Variants in TULP4 observed in about 807,000 individuals in gnomAD.
The protein encoded by TULP4 is tubby-related protein 4.
In TULP4, 16 loss-of-function variants were observed where a neutral mutation model predicts 129.0. The observed-to-expected ratio is 0.12, with a 90% CI of 0.08 to 0.19. TULP4 has a LOEUF of 0.19. Among genes scored for constraint, TULP4 ranks in the 10% least tolerant of loss-of-function variants. The pLI, the probability that TULP4 is intolerant of heterozygous loss-of-function variation, is 1.00. For synonymous variants in TULP4, 998 were observed against 854.0 expected (o/e 1.17, Z -2.94); for missense variants, 1,842 against 2,059.1 (o/e 0.89, Z 2.04).
At chr6:158,395,993 C>T (rs1278681649) in intron 1 of TULP4, among the ~76,000 whole-genome samples, 1 of 152,154 alleles carries the variant, frequency 6.6e-6, no homozygotes, top group Non-Finnish European at 1.5e-5. Context: ...GGGCCATGAG[C>T]TCTTGACCCA....
intron 1 of TULP4, among the ~76,000 whole-genome samples, chr6:158,373,409 C>T (rs1209113387): frequency 6.6e-6 from 1 of 152,150 alleles, no homozygotes; most frequent in Non-Finnish European, 1.5e-5. Flanking sequence ...CAAGCCACCG[C>T]TTGAAGAAGC....
At chr6:158,300,908 C>T (rs779503257) in intron 1 of TULP4, among the ~76,000 whole-genome samples, 2 of 152,170 alleles carry the variant, frequency 1.3e-5, no homozygotes, top group Non-Finnish European at 2.9e-5. Context: ...TTTAATCCAG[C>T]AGCATTGACA....
intron 1 of TULP4, chr6:158,232,419 T>G (rs1238869409): frequency 7.3e-6 from 1 of 137,728 alleles, no homozygotes; most frequent in African/African-American, 2.7e-5. Context: ...CCCCGGGGTC[T>G]GCGCGGCGGG....
At chr6:158,372,936 T>C (rs1445400791) in intron 1 of TULP4, among the ~76,000 whole-genome samples, 2 of 152,236 alleles carry the variant, frequency 1.3e-5, no homozygotes, top group African/African-American at 2.4e-5. Context: ...CGAGTTGATA[T>C]TTAGCTTGTT....
In TULP4 at chr6:158,255,846, C is replaced by T. The variant is rs538916162; in HGVS notation, n.68+23543C>T. Among the ~76,000 whole-genome samples the T allele has an allele frequency of 2.0e-5, 3 of 152,332 alleles. No individual in the cohort carries two copies. The South Asian group carries it at 6.2e-4, about 32-fold the overall frequency. On this transcript the variant is annotated intron_variant and non_coding_transcript_variant, in intron 1 of 1. Transcript: ENST00000620026. ...ATGCAATAGCTGTCATTCTTTCCCT[C>T]ATTGCATGAAGAAGTACAGGGTATA...
intron 2 of TULP4, among the ~76,000 whole-genome samples, chr6:158,419,656 G>GA (rs1472697287): frequency 1.3e-5 from 2 of 151,746 alleles, no homozygotes; most frequent in African/African-American, 4.8e-5. Flanking sequence ...CAAATACCAA[G>GA]AAAAAAAATA....
At chr6:158,346,892 TCTTTTTTGCCC>T (rs151337909) in intron 1 of TULP4, among the ~76,000 whole-genome samples, 1,961 of 152,330 alleles carry the variant, frequency 0.013, 25 homozygotes, top group Non-Finnish European at 0.02. Context: ...TGTGTGTGCA[TCTTTTTTGCCC>T]CTCAAAATTT....
chr6:158,345,508 C>G (rs1200426427), intron 1 of TULP4, among the ~76,000 whole-genome samples: 1 of 152,196 alleles, frequency 6.6e-6, no homozygotes, highest in African/African-American at 2.4e-5. Context: ...GGCCGCCAGG[C>G]GTGACATCAC....
At chr6:158,491,527 C>A (rs1780210504) in intron 9 of TULP4, among the ~76,000 whole-genome samples, 1 of 149,646 alleles carries the variant, frequency 6.7e-6, no homozygotes, top group Admixed American at 6.7e-5. Context: ...TTGTCTCGCT[C>A]TGTTGCCCAG....
At chr6:158,465,304 G>A (rs940228832) in intron 6 of TULP4, among the ~76,000 whole-genome samples, 1 of 152,124 alleles carries the variant, frequency 6.6e-6, no homozygotes, top group Non-Finnish European at 1.5e-5. Context: ...TGTCCTTAAG[G>A]TTCATCCATG....
chr6:158,241,195 T>G (rs28662117), intron 1 of TULP4, among the ~76,000 whole-genome samples: 1 of 108,710 alleles, frequency 9.2e-6, no homozygotes, highest in Admixed American at 1.0e-4. Context: ...TGATGGCGGC[T>G]GGGAAGAGGC....
At chr6:158,478,865 A>G (rs151128766) in intron 6 of TULP4, among the ~76,000 whole-genome samples, 2 of 152,310 alleles carry the variant, frequency 1.3e-5, no homozygotes, top group East Asian at 3.9e-4. Context: ...ATTCTCAAAG[A>G]TAATGATGGC....
chr6:158,292,357 G>A (rs905979957), intron 1 of TULP4, among the ~76,000 whole-genome samples: 2 of 152,160 alleles, frequency 1.3e-5, no homozygotes, highest in Admixed American at 6.5e-5. Context: ...CCCTAATTCC[G>A]ATTCCAGTGC....
chr6:158,319,286 G>T (rs1779568701), intron 1 of TULP4, among the ~76,000 whole-genome samples: 1 of 152,130 alleles, frequency 6.6e-6, no homozygotes, highest in Non-Finnish European at 1.5e-5. Context: ...CAAAATACTT[G>T]TCTCTAAGGA....
At chr6:158,272,782 C>G (rs964595993) in intron 1 of TULP4, among the ~76,000 whole-genome samples, 7 of 152,294 alleles carry the variant, frequency 4.6e-5, no homozygotes, top group African/African-American at 1.4e-4. Flanking sequence ...GTGTTTCAGT[C>G]AAAAACAAAT....
chr6:158,415,161 C>T (rs1296742674), intron 2 of TULP4, among the ~76,000 whole-genome samples: 1 of 152,150 alleles, frequency 6.6e-6, no homozygotes, highest in African/African-American at 2.4e-5. Flanking sequence ...TTTCTATCAC[C>T]TAGTGACACT....
At chr6:158,335,419 G>A (rs1212942129) in intron 1 of TULP4, among the ~76,000 whole-genome samples, 1 of 149,400 alleles carries the variant, frequency 6.7e-6, no homozygotes, top group Non-Finnish European at 1.5e-5. Context: ...TTTTGTTTCA[G>A]TTTGCTTTTA....
At chr6:158,246,555 G>A (rs1312273679) in intron 1 of TULP4, among the ~76,000 whole-genome samples, 1 of 151,308 alleles carries the variant, frequency 6.6e-6, no homozygotes, top group Non-Finnish European at 1.5e-5. Context: ...TCTATAAAAT[G>A]ACTGCAAACT....
intron 3 of TULP4, among the ~76,000 whole-genome samples, chr6:158,441,713 G>C (rs1045076236): frequency 1.3e-5 from 2 of 152,074 alleles, no homozygotes; most frequent in African/African-American, 4.8e-5. Context: ...CCTCAATCTT[G>C]GCCTCTAAAT....
Sources: allele counts gnomAD v4.1 joint callset (sites outside exome capture counted in the v4.1 genomes callset), GRCh38; gene constraint gnomAD v4.1.1; transcripts MANE v1.5; gene names NCBI Gene and HGNC (gene_info 2026-07-23, HGNC 2026-07-21).